The following KIF2A variants were observed in gnomAD, a reference collection of about 807,000 sequenced individuals.
KIF2A encodes kinesin family member 2A, also known as kinesin-like protein KIF2A.
Under a neutral mutation model 100.2 loss-of-function variants are expected in KIF2A, and 22 were observed. The observed-to-expected ratio is 0.22, with a 90% CI of 0.16 to 0.31. The LOEUF (loss-of-function observed/expected upper bound fraction) is 0.31, where lower values mean the gene tolerates loss of function less well. Among genes scored for constraint, KIF2A ranks in the 10% least tolerant of loss-of-function variants. The probability of loss-of-function intolerance (pLI) is 1.00; values close to 1 mark genes in which losing one functional copy is unlikely to be tolerated. For synonymous variants in KIF2A, 268 were observed against 285.9 expected (o/e 0.94, Z 0.63); for missense variants, 495 against 898.7 (o/e 0.55, Z 5.74).
In KIF2A at chr5:62,381,022, C is replaced by G. The variant is rs1291336092; in HGVS notation, c.2014-96C>G. 4 of 870,320 alleles carry G rather than the reference C, an allele frequency of 4.6e-6. No individual in the cohort carries two copies. The Admixed American group carries it at 1.0e-4, about 22-fold the overall frequency. 53.9% of individuals were successfully genotyped at this position (870,320 alleles called of 1,614,324 possible). On this transcript the variant is annotated intron_variant, in intron 19 of 20. Transcript: ENST00000407818. ...ATGTCTATTGACATTTTAGAGAATA[C>G]TATCTTAAGTATGTTTGATTATATT...
At chr5:62,307,896 G>A (rs1745392239) in intron 1 of KIF2A, among the ~76,000 whole-genome samples, 2 of 152,138 alleles carry the variant, frequency 1.3e-5, no homozygotes, top group South Asian at 4.1e-4. Flanking sequence ...GGGATTACAG[G>A]CGTGAGCCAT....
chr5:62,365,406 T>A, intron 15 of KIF2A, 53 bp downstream of exon 15: 1 of 861,332 alleles, frequency 1.2e-6, no homozygotes, highest in Non-Finnish European at 1.8e-6. Flanking sequence ...AAGGAATAAC[T>A]ACACAATATT....
intron 1 of KIF2A, among the ~76,000 whole-genome samples, chr5:62,340,879 C>T (rs936272777): frequency 6.6e-5 from 10 of 151,812 alleles, no homozygotes; most frequent in East Asian, 3.9e-4. Context: ...GCCATATATA[C>T]GACAATTAAA....
rs778329813 is a variant in KIF2A, at chr5:62,373,738, A to G, written c.1812A>G (p.Ile604Met). ...CTGCTGCTGGTGATGTTCGTCCAAT[A>G]ATGCACCATCCACCAAACCAGATTG... is the stretch of plus-strand genomic sequence containing the variant. Reference protein sequence around the residue: ...DPTAAGDVRPIMHHPPNQIDD... With the variant: ...DPTAAGDVRPMMHHPPNQIDD... The change falls in exon 18 of 21, where the codon ATA (isoleucine) becomes ATG (methionine). Residue 604 changes from isoleucine to methionine, a missense_variant. Ile to Met is a conservative substitution (Grantham distance 10, BLOSUM62 1). Transcript: ENST00000407818. 6.2e-7 allele frequency: 1 copy of G among 1,613,476 alleles called. No individual in the cohort carries two copies. The highest frequency in any genetic ancestry group is 1.1e-5 in the South Asian group (1 of 91,068).
Position 62,389,484 on chromosome 5 carries a change from T to TGAAAAAAAAAAAAAA in KIF2A, c.*3915_*3916insGAAAAAAAAAAAAAA. ...CTGGGTGACAGAGCAAGACTCTGTC[T>TGAAAAAAAAAAAAAA]CAAAAAAAAAAAAAAAAGAAATGTT... On this transcript the variant is annotated 3_prime_UTR_variant, in exon 21 of 21. Transcript: ENST00000407818. 2.5e-5 allele frequency among the ~76,000 whole-genome samples: 1 copy of TGAAAAAAAAAAAAAA among 39,868 alleles called. No individual in the cohort carries two copies. The highest frequency in any genetic ancestry group is 4.3e-5 in the Non-Finnish European group (1 of 23,378). 26.2% of individuals were successfully genotyped at this position (39,868 alleles called of 152,430 possible). A position where few individuals can be genotyped will look rare whatever the true frequency, so the allele number is the denominator to read the frequency against.
intron 4 of KIF2A, among the ~76,000 whole-genome samples, chr5:62,351,239 A>C (rs1446594227): frequency 6.6e-6 from 1 of 151,930 alleles, no homozygotes; most frequent in Non-Finnish European, 1.5e-5. Flanking sequence ...TCAATAAATA[A>C]ATAAATAAAT....
intron 1 of KIF2A, among the ~76,000 whole-genome samples, chr5:62,334,931 T>C (rs1051241815): frequency 3.9e-5 from 6 of 152,208 alleles, no homozygotes; most frequent in Non-Finnish European, 5.9e-5. Flanking sequence ...AAGTCTTCAC[T>C]GGCCGATGAG....
chr5:62,332,002 G>A (rs1361430515), intron 1 of KIF2A, among the ~76,000 whole-genome samples: 2 of 151,926 alleles, frequency 1.3e-5, no homozygotes, highest in African/African-American at 4.8e-5. Flanking sequence ...TTTGGCTCTT[G>A]TCTCCTCCAT....
At chr5:62,337,786 G>C (rs1747046976) in intron 1 of KIF2A, among the ~76,000 whole-genome samples, 1 of 151,430 alleles carries the variant, frequency 6.6e-6, no homozygotes, top group African/African-American at 2.4e-5. Flanking sequence ...ACTTCAGCCT[G>C]GGCACAGAGA....
intron 1 of KIF2A, among the ~76,000 whole-genome samples, chr5:62,346,869 G>T (rs1747595969): frequency 2.0e-5 from 3 of 152,168 alleles, no homozygotes; most frequent in Admixed American, 2.0e-4. Context: ...ATGTCACTGT[G>T]TGACCATTTA....
rs73104056 is a variant in KIF2A at position 62,373,663 on chromosome 5, T to C, written c.1761-24T>C. 0.1 allele frequency: 166,566 copies of C among 1,592,038 alleles called. 10,354 individuals are homozygous for C. The highest frequency in any genetic ancestry group is 0.23 in the Admixed American group (13,555 of 58,834). ...TCCTCTGCATGAGTGTTTTTAACTT[T>C]AGATACCTCTTATGTATTTATAGGG... On this transcript the variant is annotated intron_variant, in intron 17 of 20. Transcript: ENST00000407818.
intron 8 of KIF2A, among the ~76,000 whole-genome samples, 195 bp from the exon 9 acceptor site, chr5:62,357,942 C>T (rs1748199291): frequency 6.6e-6 from 1 of 152,148 alleles, no homozygotes; most frequent in Admixed American, 6.5e-5. Flanking sequence ...AGTCTTGCTT[C>T]ACAGAAATCT....
intron 1 of KIF2A, among the ~76,000 whole-genome samples, chr5:62,311,161 A>G (rs977203387): frequency 7.2e-5 from 11 of 152,208 alleles, no homozygotes; most frequent in African/African-American, 2.7e-4. Context: ...GATTCATACA[A>G]CTTGTCAATG....
intron 16 of KIF2A, among the ~76,000 whole-genome samples, chr5:62,371,340 C>A (rs1741316439): frequency 6.6e-6 from 1 of 152,046 alleles, no homozygotes; most frequent in Non-Finnish European, 1.5e-5. Flanking sequence ...CAATATTGAA[C>A]CTTTGACAGT....
chr5:62,342,164 T>C (rs990191073), intron 1 of KIF2A, among the ~76,000 whole-genome samples: 1 of 152,196 alleles, frequency 6.6e-6, no homozygotes, highest in African/African-American at 2.4e-5. Flanking sequence ...ATTAGTATAT[T>C]GTGGGGCTGC....
chr5:62,317,889 C>T (rs1338001750), intron 1 of KIF2A, among the ~76,000 whole-genome samples: 1 of 152,066 alleles, frequency 6.6e-6, no homozygotes, highest in Non-Finnish European at 1.5e-5. Flanking sequence ...TAGTTTTCTC[C>T]AGTCTCTTTT....
intron 1 of KIF2A, among the ~76,000 whole-genome samples, chr5:62,314,221 C>A (rs1579997367): frequency 6.6e-6 from 1 of 152,064 alleles, no homozygotes; most frequent in Non-Finnish European, 1.5e-5. Context: ...AATCCCAGCA[C>A]TTTGGGAGGC....
chr5:62,363,601 G>A, intron 13 of KIF2A, 94 bp from the exon 14 acceptor site: 1 of 1,132,352 alleles, frequency 8.8e-7, no homozygotes, highest in Non-Finnish European at 1.3e-6. Context: ...CTAAATCGAT[G>A]TTTTTGCTGC....
Position 62,353,260 on chromosome 5 carries a change from A to C in KIF2A, c.458-15A>C. 6.9e-7 allele frequency: 1 copy of C among 1,448,918 alleles called. No individual in the cohort carries two copies. Among genetic ancestry groups the C allele is most frequent in the Non-Finnish European group, 9.3e-7 (1 of 1,075,946 alleles). 89.8% of individuals were successfully genotyped at this position (1,448,918 alleles called of 1,614,324 possible). ...AAAGAAAACTATACTTCTACAGCTCATCTTTTCTTTTCAGCACGTAGAAAA... is the reference window on the plus strand; with the variant it reads ...AAAGAAAACTATACTTCTACAGCTCCTCTTTTCTTTTCAGCACGTAGAAAA... On this transcript the variant is annotated splice_polypyrimidine_tract_variant and intron_variant, in intron 5 of 20. Transcript: ENST00000407818.
Sources: allele counts gnomAD v4.1 joint callset (sites outside exome capture counted in the v4.1 genomes callset), GRCh38; gene constraint gnomAD v4.1.1; transcripts MANE v1.5; gene names NCBI Gene and HGNC (gene_info 2026-07-23, HGNC 2026-07-21).